RIF1: variants seen among roughly 807,000 people sequenced by gnomAD.
The protein encoded by RIF1 is replication timing regulatory factor 1, also known as telomere-associated protein RIF1.
In RIF1, 45 loss-of-function variants were observed where a neutral mutation model predicts 247.1. The observed-to-expected ratio is 0.18, with a 90% CI of 0.14 to 0.23. The LOEUF (loss-of-function observed/expected upper bound fraction) is 0.23, where lower values mean the gene tolerates loss of function less well. RIF1 is among the 10% of genes least tolerant of loss of function. The probability of loss-of-function intolerance (pLI) is 1.00; values close to 1 mark genes in which losing one functional copy is unlikely to be tolerated. For synonymous variants in RIF1, 1,087 were observed against 978.8 expected, an observed-to-expected ratio of 1.11 and a Z score of -2.06; for missense variants, 2,967 against 2,862.5, an observed-to-expected ratio of 1.04 and a Z score of -0.83.
intron 16 of RIF1, among the ~76,000 whole-genome samples, chr2:151,442,766 G>A (rs1172713169): frequency 8.3e-6 from 1 of 119,986 alleles, no homozygotes; most frequent in East Asian, 2.9e-4. Flanking sequence ...TAAAGAGCTT[G>A]ATTTTTTTTT....
intron 28 of RIF1, 21 bp from the exon 29 acceptor site, chr2:151,462,391 T>C (rs1487355721): frequency 2.0e-6 from 3 of 1,481,146 alleles, no homozygotes; most frequent in Non-Finnish European, 2.7e-6. Context: ...AAAATAATAT[T>C]CTTACTAATA....
Position 151,457,890 on chromosome 2 carries a change from C to G in RIF1, c.2782C>G (p.Arg928Gly), listed in dbSNP as rs1338315664. Reference sequence around the variant, plus strand: ...ATTTCTGCACAAGAATAAACAGATTCGAAAACAGAGTGCTCAGTTCTGGAA... The same window carrying G: ...ATTTCTGCACAAGAATAAACAGATTGGAAAACAGAGTGCTCAGTTCTGGAA... ...IIFLHKNKQI[R>G]KQSAQFWNAT... is the part of the protein sequence containing the mutation. The change falls in exon 24 of 36, where the codon CGA becomes GGA. Residue 928 changes from arginine to glycine, a missense_variant. Coordinates refer to ENST00000444746, the MANE Select transcript of RIF1 (RefSeq NM_018151.5). 1.9e-6 allele frequency: 3 copies of G among 1,613,696 alleles called. No individual in the cohort carries two copies. Among genetic ancestry groups the G allele is most frequent in the African/African-American group, 2.7e-5 (2 of 74,898 alleles).
At chr2:151,518,418 T>C in the RIF1 span, 3 of 1,596,548 alleles carry the variant, frequency 1.9e-6, no homozygotes, top group Non-Finnish European at 2.6e-6. Flanking sequence ...CTTCTTGTAC[T>C]GGTACTGAGG....
intron 9 of RIF1, among the ~76,000 whole-genome samples, chr2:151,489,207 A>G (rs74886039): frequency 2.6e-5 from 4 of 152,222 alleles, no homozygotes; most frequent in Non-Finnish European, 1.5e-5. Flanking sequence ...TTGTCTTCAT[A>G]CAAAGATTGT....
downstream of RIF1, chr2:151,485,974 A>G (rs1335500364): frequency 6.3e-7 from 1 of 1,593,200 alleles, no homozygotes; most frequent in Non-Finnish European, 8.6e-7. Context: ...TATATGTTGG[A>G]TTTGCAACAG....
chr2:151,497,385 CATT>C (rs1216127976), intron 10 of RIF1: 2 of 979,064 alleles, frequency 2.0e-6, no homozygotes, highest in Non-Finnish European at 2.4e-6. Flanking sequence ...CTGAAAAACT[CATT>C]ATTTTAAAAA....
chr2:151,533,718 G>A, the RIF1 span, among the ~76,000 whole-genome samples: 16 of 152,196 alleles, frequency 1.1e-4, no homozygotes, highest in African/African-American at 3.4e-4. Flanking sequence ...CAGAATGACT[G>A]CAATGCTTGC....
the RIF1 span, chr2:151,516,577 G>A: frequency 6.5e-7 from 1 of 1,538,006 alleles, no homozygotes; most frequent in African/African-American, 1.4e-5. Flanking sequence ...GTGATAGAAA[G>A]CCATGTTAGA....
chr2:151,467,206 C>T (rs1993206), intron 30 of RIF1, among the ~76,000 whole-genome samples: 34,326 of 151,758 alleles, frequency 0.23, 4,638 homozygotes, highest in Admixed American at 0.36. Context: ...TCCAGCCTGG[C>T]GACAGAGCGA....
At chr2:151,461,566 G>A (rs1696165824) in intron 27 of RIF1, among the ~76,000 whole-genome samples, 1 of 151,428 alleles carries the variant, frequency 6.6e-6, no homozygotes, top group African/African-American at 2.4e-5. Context: ...TAATTTTTTT[G>A]TACTTTTAGT....
chr2:151,464,125 G>T lies in RIF1; in HGVS notation c.4605G>T (p.Arg1535=). ...SSEKLVRGRT[R]YQTRRASQGL... is the part of the protein sequence containing the mutation. The stretch of plus-strand genomic sequence containing the variant: ...AGAAACTAGTCAGAGGCCGAACACG[G>T]TATCAAACTAGAAGAGCATCTCAGG... The change falls in exon 30 of 36, where the codon CGG becomes CGT. Residue 1535 remains arginine, a synonymous_variant. Coordinates refer to ENST00000444746, the MANE Select transcript of RIF1 (RefSeq NM_018151.5). 1 of 1,611,916 alleles carries T rather than the reference G, an allele frequency of 6.2e-7. No individual in the cohort carries two copies. The highest frequency in any genetic ancestry group is 8.5e-7 in the Non-Finnish European group (1 of 1,179,524).
intron 27 of RIF1, among the ~76,000 whole-genome samples, chr2:151,461,896 CAG>C (rs1194549487): frequency 6.6e-6 from 1 of 152,028 alleles, no homozygotes; most frequent in African/African-American, 2.4e-5. Flanking sequence ...GTTGTTGAGA[CAG>C]AGTCTCTCTC....
Position 151,464,096 on chromosome 2 carries a change from T to C in RIF1, c.4576T>C (p.Ser1526Pro). 6.2e-7 allele frequency: 1 copy of C among 1,612,888 alleles called. No homozygotes were observed. The highest frequency in any genetic ancestry group is 1.1e-5 in the South Asian group (1 of 90,818). ...DGTQDIVDKSSEKLVRGRTRY... is the reference protein window; with the variant it reads ...DGTQDIVDKSPEKLVRGRTRY... ...TACCCAGGACATTGTAGATAAGTCC[T>C]CTGAGAAACTAGTCAGAGGCCGAAC... is the stretch of plus-strand genomic sequence containing the variant. Residue 1526 changes from serine to proline, a missense_variant, in exon 30 of 36, where the codon TCT becomes CCT. Ser to Pro is a moderately conservative substitution (Grantham distance 74). Transcript: ENST00000444746.
In RIF1 at chr2:151,479,596, C is replaced by T. The variant is rs2049083246; in HGVS notation, c.*4525C>T. 6.6e-6 allele frequency: 1 copy of T among 152,116 alleles called. No individual in the cohort carries two copies. The allele number at this position is 152,116 out of a possible 1,614,324, so 9.4% of individuals were successfully genotyped here. On this transcript the variant is annotated 3_prime_UTR_variant, in exon 36 of 36. Coordinates refer to ENST00000444746, the MANE Select transcript of RIF1 (RefSeq NM_018151.5). ...AGTCAGTCTAGCAGATATGCCCTGT[C>T]ATTATACTGCGGACCTCTGGTCACT...
intron 9 of RIF1, chr2:151,489,823 TATC>T (rs1472398998): frequency 2.0e-6 from 1 of 499,852 alleles, no homozygotes; most frequent in Non-Finnish European, 3.5e-6. Context: ...AGTTTTCTGA[TATC>T]ATTAATATGA....
In RIF1 at chr2:151,418,610, C is replaced by T. The variant is rs1687613380; in HGVS notation, c.504-1580C>T. 3.3e-5 allele frequency among the ~76,000 whole-genome samples: 5 copies of T among 152,094 alleles called. No homozygotes were observed. In the South Asian group the frequency reaches 1.0e-3, roughly 32 times the overall value. On this transcript the variant is annotated intron_variant, in intron 6 of 35. Coordinates refer to ENST00000444746, the MANE Select transcript of RIF1 (RefSeq NM_018151.5). ...CCTGTAAGAATAATTAGCTTTGGCTCACACCTGTAATCCCAGAACTTTGGG... is the reference window on the plus strand; with the variant it reads ...CCTGTAAGAATAATTAGCTTTGGCTTACACCTGTAATCCCAGAACTTTGGG...
chr2:151,449,966 C>G (rs1318941868), intron 20 of RIF1, among the ~76,000 whole-genome samples: 1 of 151,938 alleles, frequency 6.6e-6, no homozygotes, highest in Non-Finnish European at 1.5e-5. Context: ...CTTAGCCTCC[C>G]TAGTAGCTGG....
At position 151,446,404 on chromosome 2, in the gene RIF1, C is replaced by A. The variant is rs756206204; in HGVS notation, c.2095-22C>A. 65 of 1,605,724 alleles carry A rather than the reference C, an allele frequency of 4.0e-5. 1 individual carries two copies. The South Asian group carries it at 5.8e-4, about 14-fold the overall frequency. On this transcript the variant is annotated intron_variant, in intron 19 of 35. Transcript: ENST00000444746. ...AGATAGGTATATATTAACAAAACTT[C>A]TTTTTTTGTTGTTATTGGTAGGCCA... is the stretch of plus-strand genomic sequence containing the variant.
intron 15 of RIF1, 94 bp downstream of exon 15, chr2:151,440,221 C>G (rs1692035180): frequency 1.4e-6 from 1 of 717,238 alleles, no homozygotes; most frequent in Non-Finnish European, 2.4e-6. Context: ...TTTGGGAAGA[C>G]TTTTTTATAT....
Sources: gnomAD v4.1 joint callset for allele counts (sites outside exome capture counted in the v4.1 genomes callset) on GRCh38, gnomAD v4.1.1 for gene constraint, MANE v1.5 for transcripts, NCBI Gene and HGNC (gene_info 2026-07-23, HGNC 2026-07-21) for gene names.